Variants in HEPACAM2 observed in about 807,000 individuals in gnomAD.
The protein encoded by HEPACAM2 is mitotic kinetics regulator.
In HEPACAM2, 49 loss-of-function variants were observed where a neutral mutation model predicts 49.6. The ratio of observed to expected loss-of-function variants is 0.99; its 90% CI spans 0.78 to 1.25. The LOEUF (loss-of-function observed/expected upper bound fraction) is 1.25, where lower values mean the gene tolerates loss of function less well. Ranked by LOEUF, HEPACAM2 falls within the 50% of genes most tolerant of loss-of-function variation. The pLI, the probability that HEPACAM2 is intolerant of heterozygous loss-of-function variation, is 0.00. For missense variants in HEPACAM2, 525 were observed against 557.2 expected (o/e 0.94, Z 0.58); for synonymous variants, 197 against 202.9 (o/e 0.97, Z 0.25).
At chr7:93,209,276 TTTA>T (rs926897887) in intron 3 of HEPACAM2, among the ~76,000 whole-genome samples, 26 of 152,022 alleles carry the variant, frequency 1.7e-4, no homozygotes, top group East Asian at 3.9e-4. Flanking sequence ...GCTGATTTAT[TTTA>T]TTATTATTTT....
At chr7:93,217,289 A>G (rs758305176) in intron 2 of HEPACAM2, among the ~76,000 whole-genome samples, 9 of 152,230 alleles carry the variant, frequency 5.9e-5, no homozygotes, top group Non-Finnish European at 1.0e-4. Flanking sequence ...TCATTAGAAT[A>G]GTCACTGGTA....
At chr7:93,189,407 C>T (rs1227169837) in intron 9 of HEPACAM2, 137 bp from the exon 10 acceptor site, 3 of 513,568 alleles carry the variant, frequency 5.8e-6, no homozygotes, top group Non-Finnish European at 1.0e-5. Context: ...AAGAAAATTA[C>T]ATTTATCAAC....
intron 8 of HEPACAM2, 112 bp from the exon 9 acceptor site, chr7:93,192,475 C>T (rs1015354772): frequency 1.3e-6 from 1 of 752,242 alleles, no homozygotes; most frequent in Non-Finnish European, 2.2e-6. Flanking sequence ...AGAATTAGAA[C>T]TATTTATCTT....
chr7:93,198,038 G>C (rs1162709315), intron 4 of HEPACAM2, among the ~76,000 whole-genome samples: 1 of 151,944 alleles, frequency 6.6e-6, no homozygotes, highest in East Asian at 1.9e-4. Context: ...GTGATTAAAG[G>C]TGCAAGAGGG....
intron 3 of HEPACAM2, among the ~76,000 whole-genome samples, chr7:93,213,184 A>G (rs1794219992): frequency 1.3e-5 from 2 of 151,852 alleles, no homozygotes; most frequent in East Asian, 3.9e-4. Flanking sequence ...GCATTGCCAT[A>G]TGTTGCACAC....
chr7:93,202,196 T>G (rs1056567684), intron 4 of HEPACAM2, among the ~76,000 whole-genome samples: 4 of 150,634 alleles, frequency 2.7e-5, no homozygotes, highest in Admixed American at 6.6e-5. Context: ...TTTCGTCATT[T>G]TAGATCTGAC....
intron 3 of HEPACAM2, 23 bp downstream of exon 3, chr7:93,215,378 G>C: frequency 3.1e-6 from 5 of 1,599,478 alleles, no homozygotes; most frequent in Non-Finnish European, 4.3e-6. Context: ...AACAACTCAT[G>C]AGTTAAAAAA....
At chr7:93,211,257 G>C (rs1794171765) in intron 3 of HEPACAM2, among the ~76,000 whole-genome samples, 1 of 152,040 alleles carries the variant, frequency 6.6e-6, no homozygotes, top group Non-Finnish European at 1.5e-5. Context: ...ACCTGCATGA[G>C]ATAAGCCTGC....
At chr7:93,210,159 T>C (rs372586969) in intron 3 of HEPACAM2, among the ~76,000 whole-genome samples, 43 of 152,086 alleles carry the variant, frequency 2.8e-4, no homozygotes, top group African/African-American at 1.0e-3. Flanking sequence ...AAATCCTGGC[T>C]TATAGTCTAA....
intron 4 of HEPACAM2, among the ~76,000 whole-genome samples, chr7:93,204,829 G>A (rs1026379661): frequency 1.3e-5 from 2 of 152,130 alleles, no homozygotes; most frequent in Non-Finnish European, 2.9e-5. Flanking sequence ...GTCAGGTGTG[G>A]TGGCTCACGC....
At chr7:93,231,482 G>T in the HEPACAM2 span, among the ~76,000 whole-genome samples, 33 of 152,306 alleles carry the variant, frequency 2.2e-4, no homozygotes, top group African/African-American at 7.7e-4. Context: ...GGATTCTTGT[G>T]TGGATAAATG....
At chr7:93,206,299 A>G (rs1188380829) in intron 4 of HEPACAM2, among the ~76,000 whole-genome samples, 1 of 152,130 alleles carries the variant, frequency 6.6e-6, no homozygotes, top group Admixed American at 6.6e-5. Context: ...AATTAATAAA[A>G]TGGAAAGCAA....
At chr7:93,230,877 C>T (rs1794614233), upstream of HEPACAM2, among the ~76,000 whole-genome samples, 1 of 152,172 alleles carries the variant, frequency 6.6e-6, no homozygotes, top group South Asian at 2.1e-4. Context: ...CAAGTATGCA[C>T]AAGGTGGTTC....
At chr7:93,214,986 T>C (rs2116702238) in intron 3 of HEPACAM2, among the ~76,000 whole-genome samples, 1 of 152,256 alleles carries the variant, frequency 6.6e-6, no homozygotes, top group African/African-American at 2.4e-5. Flanking sequence ...AAGAAAATAT[T>C]TTACAAGAGA....
intron 4 of HEPACAM2, among the ~76,000 whole-genome samples, chr7:93,202,627 A>G (rs1479626403): frequency 6.6e-6 from 1 of 152,154 alleles, no homozygotes; most frequent in African/African-American, 2.4e-5. Context: ...AAAGAATTCA[A>G]TGCTAATTTA....
In HEPACAM2 at chr7:93,215,638, C is replaced by T. The variant is rs377487541; in HGVS notation, c.478G>A (p.Val160Met). The change falls in exon 3 of 10, where the codon GTG (valine) becomes ATG (methionine). Residue 160 changes from valine to methionine, a missense_variant. Transcript: ENST00000394468. Reference sequence around the variant, plus strand: ...AGGGTCATGTTCCCCACATACTCCACAGCCCCAGAGGGAGGATGAATCTGC... The same window carrying T: ...AGGGTCATGTTCCCCACATACTCCATAGCCCCAGAGGGAGGATGAATCTGC... ...VVQIHPPSGAVEYVGNMTLTC... is the reference protein window; with the variant it reads ...VVQIHPPSGAMEYVGNMTLTC... The T allele has an allele frequency of 6.0e-5, 97 of 1,613,596 alleles. No individual in the cohort carries two copies. Among genetic ancestry groups the T allele is most frequent in the Non-Finnish European group, 7.9e-5 (93 of 1,179,818 alleles).
At chr7:93,196,548 A>G (rs896976963) in intron 7 of HEPACAM2, among the ~76,000 whole-genome samples, 1 of 152,098 alleles carries the variant, frequency 6.6e-6, no homozygotes, top group Non-Finnish European at 1.5e-5. Flanking sequence ...CAGGCATCAT[A>G]TCAGGCACTC....
chr7:93,220,538 C>T (rs1794427588), intron 1 of HEPACAM2, among the ~76,000 whole-genome samples: 1 of 152,118 alleles, frequency 6.6e-6, no homozygotes, highest in Non-Finnish European at 1.5e-5. Context: ...GTGGGGAAGA[C>T]GAGGATTCAG....
intron 2 of HEPACAM2, among the ~76,000 whole-genome samples, chr7:93,218,740 T>C (rs543603791): frequency 6.6e-6 from 1 of 152,220 alleles, no homozygotes; most frequent in East Asian, 1.9e-4. Flanking sequence ...AAAATCTTCA[T>C]GACAAAAATA....
Sources: gnomAD v4.1 joint callset for allele counts (sites outside exome capture counted in the v4.1 genomes callset) on GRCh38, gnomAD v4.1.1 for gene constraint, MANE v1.5 for transcripts, NCBI Gene and HGNC (gene_info 2026-07-23, HGNC 2026-07-21) for gene names.